PDGFRA: variants seen among roughly 807,000 people sequenced by gnomAD.
PDGFRA encodes platelet-derived growth factor receptor alpha.
PDGFRA carries 25 observed loss-of-function variants against 121.5 expected under a neutral mutation model. The ratio of observed to expected loss-of-function variants is 0.21; its 90% CI spans 0.15 to 0.29. The LOEUF (loss-of-function observed/expected upper bound fraction) is 0.29. PDGFRA is among the 10% of genes least tolerant of loss of function. The pLI, the probability that PDGFRA is intolerant of heterozygous loss-of-function variation, is 1.00. For synonymous variants in PDGFRA, 463 were observed against 494.8 expected (o/e 0.94, Z 0.85); for missense variants, 1,008 against 1,345.1 (o/e 0.75, Z 3.92).
chr4:54,264,958 C>T lies in PDGFRA; in HGVS notation c.668C>T (p.Thr223Ile), dbSNP rs2110257743. The T allele has an allele frequency of 6.2e-7, 1 of 1,612,922 alleles. No homozygotes were observed. The highest frequency in any genetic ancestry group is 8.5e-7 in the Non-Finnish European group (1 of 1,179,222). The change falls in exon 5 of 23, where the codon ACC becomes ATC. Residue 223 changes from threonine (T) to isoleucine (I), a missense_variant. This residue lies in a region of PDGFRA where 575 missense variants were observed against 701.8 expected (regional missense o/e 0.82). Transcript: ENST00000257290. ...ELDLEMEALKTVYKSGETIVV... is the reference protein window; with the variant it reads ...ELDLEMEALKIVYKSGETIVV... ...GATCTAGAAATGGAAGCTCTTAAAACCGTGTATAAGTCAGGGGAAACGATT... is the reference window on the plus strand; with the variant it reads ...GATCTAGAAATGGAAGCTCTTAAAATCGTGTATAAGTCAGGGGAAACGATT...
chr4:54,245,236 C>G (rs368852652), intron 1 of PDGFRA, among the ~76,000 whole-genome samples: 9 of 151,266 alleles, frequency 5.9e-5, no homozygotes, highest in African/African-American at 1.9e-4. Context: ...AGATACTCCT[C>G]GAGAAGAGCA....
At chr4:54,236,062 A>G (rs1484979771) in intron 1 of PDGFRA, among the ~76,000 whole-genome samples, 1 of 152,222 alleles carries the variant, frequency 6.6e-6, no homozygotes, top group Non-Finnish European at 1.5e-5. Context: ...TCTCTTTCTC[A>G]GTTTGTTCCT....
chr4:54,256,996 T>C (rs1442434714), intron 1 of PDGFRA, among the ~76,000 whole-genome samples: 1 of 151,896 alleles, frequency 6.6e-6, no homozygotes, highest in Non-Finnish European at 1.5e-5. Flanking sequence ...GCCAGTACAC[T>C]CCAGCCTGGG....
rs1199380187 is a variant in PDGFRA, at chr4:54,273,584, A to G, written c.1412A>G (p.Asn471Ser). The change falls in exon 10 of 23, where the codon AAC (asparagine) becomes AGC (serine). Residue 471 changes from asparagine (N) to serine (S), a missense_variant. Around this residue, in one of 5 missense-constraint regions of PDGFRA, gnomAD observed 575 missense variants for 701.8 expected, o/e 0.82. Transcript: ENST00000257290. The part of the protein sequence containing the change: ...SWTILANNVS[N>S]IITEIHSRDR... ...ACTATTTTGGCCAACAATGTCTCAA[A>G]CATCATCACGGAGATCCACTCCCGA... is the stretch of plus-strand genomic sequence containing the variant. 6.2e-7 allele frequency: 1 copy of G among 1,614,028 alleles called. No individual in the cohort carries two copies. Among genetic ancestry groups the G allele is most frequent in the Non-Finnish European group, 8.5e-7 (1 of 1,180,024 alleles).
At chr4:54,280,294 AT>A in intron 15 of PDGFRA, 21 bp from the exon 16 acceptor site, 1 of 1,610,280 alleles carries the variant, frequency 6.2e-7, no homozygotes, top group Non-Finnish European at 8.5e-7. Flanking sequence ...CCTGGGTAAG[AT>A]TTCTCTTTCT....
At chr4:54,244,008 G>T (rs1485825853) in intron 1 of PDGFRA, among the ~76,000 whole-genome samples, 1 of 152,234 alleles carries the variant, frequency 6.6e-6, no homozygotes, top group African/African-American at 2.4e-5. Flanking sequence ...CAGCGAGGCT[G>T]GGGGAGGGGT....
At chr4:54,262,776 G>A (rs1280441564) in intron 3 of PDGFRA, among the ~76,000 whole-genome samples, 1 of 152,204 alleles carries the variant, frequency 6.6e-6, no homozygotes, top group East Asian at 1.9e-4. Flanking sequence ...TCCTCTAGGT[G>A]TGGAGGGATT....
At chr4:54,244,611 A>G (rs1256919870) in intron 1 of PDGFRA, among the ~76,000 whole-genome samples, 2 of 152,206 alleles carry the variant, frequency 1.3e-5, no homozygotes, top group Non-Finnish European at 2.9e-5. Context: ...AACCACAAAG[A>G]TGGGGAAAAA....
At chr4:54,246,135 A>G (rs1721645705) in intron 1 of PDGFRA, among the ~76,000 whole-genome samples, 1 of 152,188 alleles carries the variant, frequency 6.6e-6, no homozygotes, top group Non-Finnish European at 1.5e-5. Flanking sequence ...TTAACACCCC[A>G]CTGTCAATAT....
At chr4:54,270,802 A>G (rs1577719850) in intron 8 of PDGFRA, 54 bp downstream of exon 8, 9 of 1,037,174 alleles carry the variant, frequency 8.7e-6, no homozygotes, top group Middle Eastern at 2.0e-4. Flanking sequence ...GTGTCTTCCA[A>G]GGAAAGCCTG....
At chr4:54,277,525 C>A in intron 13 of PDGFRA, 33 bp downstream of exon 13, 1 of 1,455,412 alleles carries the variant, frequency 6.9e-7, no homozygotes, top group Non-Finnish European at 9.7e-7. Context: ...TTTTTGAGCA[C>A]GGGGATTTTT....
intron 1 of PDGFRA, among the ~76,000 whole-genome samples, chr4:54,251,705 G>T (rs551886677): frequency 1.8e-4 from 28 of 152,200 alleles, no homozygotes; most frequent in African/African-American, 6.7e-4. Flanking sequence ...TTTCTGACAG[G>T]CCCAGGAGCC....
rs768505130 is a variant in PDGFRA at position 54,290,572 on chromosome 4, C to A, written c.3122+18C>A. The A allele has an allele frequency of 1.2e-6, 2 of 1,613,908 alleles. No homozygotes were observed. Among genetic ancestry groups the A allele is most frequent in the Admixed American group, 1.7e-5 (1 of 60,026 alleles). Reference sequence around the variant, plus strand: ...AGACACAGGTAGCTGTGGGGGCAGCCTCGGTGTCTCACCTTTCCCCTCCCC... The same window carrying A: ...AGACACAGGTAGCTGTGGGGGCAGCATCGGTGTCTCACCTTTCCCCTCCCC... On this transcript the variant is annotated intron_variant, in intron 22 of 22. Transcript: ENST00000257290.
intron 19 of PDGFRA, among the ~76,000 whole-genome samples, chr4:54,288,310 C>T (rs1319234828): frequency 1.3e-5 from 2 of 152,134 alleles, no homozygotes; most frequent in Non-Finnish European, 2.9e-5. Context: ...GCCCCGTCTC[C>T]TTTTTCATCC....
chr4:54,293,908 T>TGTGTG (rs72120838), intron 22 of PDGFRA, among the ~76,000 whole-genome samples: 1 of 610 alleles, frequency 1.6e-3, no homozygotes, highest in Non-Finnish European at 3.1e-3. Flanking sequence ...CCAAGTTGCT[T>TGTGTG]GTGTGTGTGT....
At position 54,261,176 on chromosome 4, in the gene PDGFRA, C is replaced by A; in HGVS notation, c.131C>A (p.Ser44Tyr). 1 of 1,614,114 alleles carries A rather than the reference C, an allele frequency of 6.2e-7. No individual in the cohort carries two copies. The change falls in exon 3 of 23, where the codon TCC becomes TAC. Residue 44 changes from serine (S) to tyrosine (Y), a missense_variant. By Grantham distance (144) the Ser-to-Tyr change is moderately radical. Around this residue, in one of 5 missense-constraint regions of PDGFRA, gnomAD observed 575 missense variants for 701.8 expected, o/e 0.82. Coordinates refer to ENST00000257290, the MANE Select transcript of PDGFRA (RefSeq NM_006206.6). ...GAAAAGGTTGTGCAGCTGAATTCAT[C>A]CTTTTCTCTGAGATGCTTTGGGGAG... ...ENEKVVQLNS[S>Y]FSLRCFGESE...
chr4:54,242,851 A>C (rs1470277450), intron 1 of PDGFRA, among the ~76,000 whole-genome samples: 1 of 152,204 alleles, frequency 6.6e-6, no homozygotes, highest in South Asian at 2.1e-4. Flanking sequence ...CAAGAGCTGT[A>C]AGCAGAGAGT....
At chr4:54,253,683 T>TTTTTTTC (rs960249751) in intron 1 of PDGFRA, among the ~76,000 whole-genome samples, 8 of 152,156 alleles carry the variant, frequency 5.3e-5, no homozygotes, top group Non-Finnish European at 1.2e-4. Flanking sequence ...TCCCTGATTC[T>TTTTTTTC]TTTTTTCTTT....
At chr4:54,262,397 G>T (rs1722800600) in intron 3 of PDGFRA, among the ~76,000 whole-genome samples, 1 of 152,080 alleles carries the variant, frequency 6.6e-6, no homozygotes. Flanking sequence ...AAGGACAAAA[G>T]GGTCGAGCAC....
Sources: gnomAD v4.1 joint callset for allele counts (sites outside exome capture counted in the v4.1 genomes callset) on GRCh38, gnomAD v4.1.1 for gene constraint, gnomAD v4.1.1 regional missense constraint, MANE v1.5 for transcripts, NCBI Gene and HGNC (gene_info 2026-07-23, HGNC 2026-07-21) for gene names.